MINDY4: variants seen among roughly 807,000 people sequenced by gnomAD.
MINDY4 encodes the protein probable ubiquitin carboxyl-terminal hydrolase MINDY-4.
In MINDY4, 68 loss-of-function variants were observed where a neutral mutation model predicts 87.0. The observed-to-expected ratio is 0.78, with a 90% CI of 0.64 to 0.96. The LOEUF is 0.96. Among genes scored for constraint, MINDY4 ranks in the 40% least tolerant of loss-of-function variants. The pLI, the probability that MINDY4 is intolerant of heterozygous loss-of-function variation, is 0.00. For missense variants in MINDY4, 919 were observed against 928.2 expected, an observed-to-expected ratio of 0.99 and a Z score of 0.13; for synonymous variants, 379 against 363.2, an observed-to-expected ratio of 1.04 and a Z score of -0.50.
chr7:30,836,518 G>C, intron 6 of MINDY4, 140 bp from the exon 7 acceptor site: 1 of 698,684 alleles, frequency 1.4e-6, no homozygotes, highest in South Asian at 1.8e-5. Flanking sequence ...AACAGAGCTG[G>C]GGTGAATGAA....
chr7:30,833,222 A>G (rs1378787254), intron 6 of MINDY4, among the ~76,000 whole-genome samples: 1 of 152,194 alleles, frequency 6.6e-6, no homozygotes, highest in East Asian at 1.9e-4. Flanking sequence ...AACATACCCG[A>G]GATTGGGCAA....
chr7:30,855,076 T>G (rs955999898), intron 12 of MINDY4, among the ~76,000 whole-genome samples: 1 of 152,212 alleles, frequency 6.6e-6, no homozygotes, highest in African/African-American at 2.4e-5. Context: ...GGCCAACTGC[T>G]GATGCGGTGC....
intron 5 of MINDY4, 103 bp downstream of exon 5, chr7:30,791,677 G>A (rs776135787): frequency 1.8e-5 from 23 of 1,266,822 alleles, no homozygotes; most frequent in East Asian, 2.5e-5. Context: ...TAGTCTCCTT[G>A]GTCTCTCAGA....
intron 9 of MINDY4, among the ~76,000 whole-genome samples, chr7:30,844,281 C>T (rs547212381): frequency 3.3e-5 from 5 of 152,132 alleles, no homozygotes; most frequent in East Asian, 3.9e-4. Context: ...TTATGGAGCT[C>T]GCTGAAAAAG....
intron 5 of MINDY4, among the ~76,000 whole-genome samples, chr7:30,809,376 GAAAAAAA>G (rs57725704): frequency 3.5e-5 from 3 of 86,774 alleles, no homozygotes; most frequent in African/African-American, 1.3e-4. Context: ...GTATCCTAAG[GAAAAAAA>G]AAAAAAAAAA....
At chr7:30,794,614 G>A (rs1288650486) in intron 5 of MINDY4, among the ~76,000 whole-genome samples, 3 of 152,174 alleles carry the variant, frequency 2.0e-5, no homozygotes, top group Admixed American at 6.5e-5. Context: ...ATCTGACTCC[G>A]GGAGCTGAAG....
intron 5 of MINDY4, among the ~76,000 whole-genome samples, chr7:30,807,286 CAGGTATCT>C (rs1215362295): frequency 3.9e-5 from 6 of 152,074 alleles, no homozygotes; most frequent in Non-Finnish European, 7.4e-5. Flanking sequence ...GGCATTTTGG[CAGGTATCT>C]AGGAATCAAC....
intron 5 of MINDY4, among the ~76,000 whole-genome samples, chr7:30,823,944 T>G (rs1788418682): frequency 6.6e-6 from 1 of 152,236 alleles, no homozygotes; most frequent in Non-Finnish European, 1.5e-5. Context: ...ATCACTGACT[T>G]GGGAAAAATT....
At position 30,850,879 on chromosome 7, in the gene MINDY4, A is replaced by G. The variant is rs79138738; in HGVS notation, c.1547+324A>G. Among the ~76,000 whole-genome samples the G allele has an allele frequency of 3.1e-3, 473 of 152,208 alleles. 1 individual carries two copies. Among genetic ancestry groups the G allele is most frequent in the African/African-American group, 0.011 (450 of 41,544 alleles). On this transcript the variant is annotated intron_variant, in intron 10 of 17. Coordinates refer to ENST00000265299, the MANE Select transcript of MINDY4 (RefSeq NM_032222.3). Reference sequence around the variant, plus strand: ...TGACCCCTGCAGCCAGCTCCTCTCTATAGTTCTCTGATCTGGAGGCCTCAG... The same window carrying G: ...TGACCCCTGCAGCCAGCTCCTCTCTGTAGTTCTCTGATCTGGAGGCCTCAG...
At chr7:30,863,696 G>A (rs1789840645) in intron 13 of MINDY4, among the ~76,000 whole-genome samples, 1 of 152,162 alleles carries the variant, frequency 6.6e-6, no homozygotes, top group South Asian at 2.1e-4. Flanking sequence ...TGCCTGCCTG[G>A]CCACTTCATT....
chr7:30,816,734 G>T (rs1215171855), intron 5 of MINDY4, among the ~76,000 whole-genome samples: 1 of 152,156 alleles, frequency 6.6e-6, no homozygotes, highest in Non-Finnish European at 1.5e-5. Flanking sequence ...GGAGTCACTG[G>T]TTTCAGGAAG....
intron 5 of MINDY4, among the ~76,000 whole-genome samples, chr7:30,828,353 C>A (rs1423321479): frequency 6.7e-6 from 1 of 149,268 alleles, no homozygotes; most frequent in Non-Finnish European, 1.5e-5. Flanking sequence ...TGTGTGTTTC[C>A]CAGAAGTATT....
In MINDY4 at chr7:30,836,737, A is replaced by G. The variant is rs1387987379; in HGVS notation, c.1212A>G (p.Ser404=). The G allele has an allele frequency of 1.9e-6, 3 of 1,614,174 alleles. No homozygotes were observed. Among genetic ancestry groups the G allele is most frequent in the Admixed American group, 1.7e-5 (1 of 60,024 alleles). ...VPSVLKLQTA[S]KPIDLSVAKE... ...CAGTGCTCAAGTTGCAGACAGCATC[A>G]AAACCAATTGACCTCTCAGTAGCAA... The change falls in exon 7 of 18, where the codon TCA becomes TCG. Residue 404 remains serine, a synonymous_variant. Coordinates refer to ENST00000265299, the MANE Select transcript of MINDY4 (RefSeq NM_032222.3).
In MINDY4 at chr7:30,781,873, T is replaced by C; in HGVS notation, c.184-104T>C. ...TTGGCTGAAAGCTTGTATGAATGAGTGAGAAGTTGATAAACTTAGTCAAAG... is the reference window on the plus strand; with the variant it reads ...TTGGCTGAAAGCTTGTATGAATGAGCGAGAAGTTGATAAACTTAGTCAAAG... On this transcript the variant is annotated intron_variant, in intron 2 of 17. Transcript: ENST00000265299. 4.1e-6 allele frequency: 3 copies of C among 740,504 alleles called. No homozygotes were observed. In the South Asian group the frequency reaches 5.6e-5, roughly 14 times the overall value. 45.9% of individuals were successfully genotyped at this position (740,504 alleles called of 1,614,324 possible). A position where few individuals can be genotyped will look rare whatever the true frequency, so the allele number is the denominator to read the frequency against.
intron 13 of MINDY4, among the ~76,000 whole-genome samples, chr7:30,864,732 C>G (rs1005175101): frequency 6.6e-6 from 1 of 152,262 alleles, no homozygotes; most frequent in Non-Finnish European, 1.5e-5. Flanking sequence ...GCCACCACAT[C>G]TGCTAGCAAA....
chr7:30,782,346 G>T (rs1584231367), intron 3 of MINDY4, 134 bp downstream of exon 3: 5 of 234,882 alleles, frequency 2.1e-5, no homozygotes, highest in Non-Finnish European at 4.1e-5. Flanking sequence ...GTATGTTTGT[G>T]TGTGTGTGTG....
At chr7:30,841,337 T>C (rs531898961) in intron 9 of MINDY4, among the ~76,000 whole-genome samples, 53 of 152,360 alleles carry the variant, frequency 3.5e-4, no homozygotes, top group Non-Finnish European at 6.5e-4. Context: ...CACCTTATTC[T>C]CATTCATTCA....
At chr7:30,866,144 CA>C (rs989823547) in intron 13 of MINDY4, among the ~76,000 whole-genome samples, 1 of 152,190 alleles carries the variant, frequency 6.6e-6, no homozygotes, top group African/African-American at 2.4e-5. Flanking sequence ...CCACCTGGTA[CA>C]GCTGAGAAGG....
chr7:30,839,935 G>T (rs2128567123), intron 8 of MINDY4, among the ~76,000 whole-genome samples: 1 of 152,256 alleles, frequency 6.6e-6, no homozygotes, highest in Middle Eastern at 3.4e-3. Context: ...AGAATCAGCA[G>T]TTGAGCAGGG....
Sources: gnomAD v4.1 joint callset for allele counts (sites outside exome capture counted in the v4.1 genomes callset) on GRCh38, gnomAD v4.1.1 for gene constraint, MANE v1.5 for transcripts, NCBI Gene and HGNC (gene_info 2026-07-23, HGNC 2026-07-21) for gene names.